The following ZFYVE28 variants were observed in gnomAD, a reference collection of about 807,000 sequenced individuals.
The protein encoded by ZFYVE28 is zinc finger FYVE-type containing 28.
Under a neutral mutation model 82.1 loss-of-function variants are expected in ZFYVE28, and 40 were observed. The ratio of observed to expected loss-of-function variants is 0.49; its 90% CI spans 0.38 to 0.63. The LOEUF (loss-of-function observed/expected upper bound fraction) is 0.63. ZFYVE28 is among the 30% of genes least tolerant of loss of function. The pLI, the probability that ZFYVE28 is intolerant of heterozygous loss-of-function variation, is 0.00. For missense variants in ZFYVE28, 1,321 were observed against 1,242.1 expected (o/e 1.06, Z -0.96); for synonymous variants, 612 against 546.1 (o/e 1.12, Z -1.68).
At chr4:2,349,338 A>G (rs1217742374) in intron 2 of ZFYVE28, among the ~76,000 whole-genome samples, 1 of 125,692 alleles carries the variant, frequency 8.0e-6, no homozygotes, top group African/African-American at 3.1e-5. Flanking sequence ...GGACACAGGA[A>G]GGGGAACATC....
At chr4:2,346,121 G>A (rs1254149048) in intron 2 of ZFYVE28, among the ~76,000 whole-genome samples, 4 of 149,056 alleles carry the variant, frequency 2.7e-5, no homozygotes, top group Non-Finnish European at 5.9e-5. Flanking sequence ...AAGGTCAGGA[G>A]ATCGAGACCA....
intron 8 of ZFYVE28, among the ~76,000 whole-genome samples, chr4:2,284,327 T>C (rs1245375531): frequency 2.0e-5 from 3 of 152,096 alleles, no homozygotes; most frequent in Non-Finnish European, 2.9e-5. Flanking sequence ...CCCCACATGA[T>C]CCTCCAACCT....
chr4:2,279,589 C>T (rs540211215), intron 8 of ZFYVE28, among the ~76,000 whole-genome samples: 2 of 152,070 alleles, frequency 1.3e-5, no homozygotes, highest in South Asian at 4.1e-4. Context: ...ACCATCCTGG[C>T]TAACACGATG....
At chr4:2,361,691 A>G (rs111566285) in intron 1 of ZFYVE28, among the ~76,000 whole-genome samples, 2,247 of 152,248 alleles carry the variant, frequency 0.015, 53 homozygotes, top group African/African-American at 0.051. Flanking sequence ...ACATCGCTGG[A>G]TGCCAAGGCG....
intron 8 of ZFYVE28, among the ~76,000 whole-genome samples, chr4:2,277,155 G>A (rs1197594513): frequency 6.6e-6 from 1 of 152,214 alleles, no homozygotes; most frequent in Non-Finnish European, 1.5e-5. Context: ...GAATTTTGTG[G>A]TATGTATGTT....
chr4:2,290,803 G>T (rs1713532070), intron 8 of ZFYVE28, among the ~76,000 whole-genome samples: 1 of 152,204 alleles, frequency 6.6e-6, no homozygotes, highest in South Asian at 2.1e-4. Context: ...AGCAGTGGTG[G>T]GGAGGGGTGG....
intron 8 of ZFYVE28, among the ~76,000 whole-genome samples, chr4:2,277,108 T>A (rs985526534): frequency 6.6e-6 from 1 of 152,236 alleles, no homozygotes; most frequent in Non-Finnish European, 1.5e-5. Context: ...AGGGGTATTA[T>A]TGCCCAAAAC....
chr4:2,324,949 C>CT (rs5855730), intron 6 of ZFYVE28: 29,430 of 183,778 alleles, frequency 0.16, 2,604 homozygotes, highest in African/African-American at 0.19. Context: ...TCCAAAGACT[C>CT]TATCTTATTT....
chr4:2,346,066 C>T (rs979297265), intron 2 of ZFYVE28, among the ~76,000 whole-genome samples: 15 of 151,516 alleles, frequency 9.9e-5, no homozygotes, highest in African/African-American at 3.4e-4. Flanking sequence ...CGGTGGCTCA[C>T]GCCTGTAATC....
chr4:2,277,198 C>T (rs868066109), intron 8 of ZFYVE28, among the ~76,000 whole-genome samples: 4 of 152,246 alleles, frequency 2.6e-5, no homozygotes, highest in South Asian at 2.1e-4. Context: ...TTAAAGATCA[C>T]GCCGGGCGTG....
intron 1 of ZFYVE28, among the ~76,000 whole-genome samples, chr4:2,387,899 AC>A (rs896781489): frequency 6.6e-6 from 1 of 152,064 alleles, no homozygotes; most frequent in African/African-American, 2.4e-5. Flanking sequence ...GGACAGCAGG[AC>A]CCCTGAGCCT....
chr4:2,297,690 C>T (rs866695288), intron 8 of ZFYVE28, among the ~76,000 whole-genome samples: 5 of 152,180 alleles, frequency 3.3e-5, no homozygotes, highest in African/African-American at 9.6e-5. Context: ...TGGGGTGACA[C>T]GGTGATATAG....
At chr4:2,407,274 G>A (rs967093127) in intron 1 of ZFYVE28, among the ~76,000 whole-genome samples, 2 of 152,012 alleles carry the variant, frequency 1.3e-5, no homozygotes, top group South Asian at 4.1e-4. Context: ...CTCCACGAAC[G>A]ACAGCTTAGC....
chr4:2,279,557 A>G (rs966867290), intron 8 of ZFYVE28, among the ~76,000 whole-genome samples: 3 of 152,172 alleles, frequency 2.0e-5, no homozygotes, highest in South Asian at 2.1e-4. Context: ...AGGTGGGCGG[A>G]TCACGAGGTC....
chr4:2,305,629 C>T, intron 7 of ZFYVE28, 93 bp from the exon 8 acceptor site: 1 of 1,459,902 alleles, frequency 6.8e-7, no homozygotes, highest in Non-Finnish European at 9.3e-7. Flanking sequence ...GAGTCTGCAC[C>T]AGCAGAACAA....
chr4:2,311,290 C>A (rs1168196198), intron 7 of ZFYVE28, among the ~76,000 whole-genome samples: 1 of 152,108 alleles, frequency 6.6e-6, no homozygotes, highest in Non-Finnish European at 1.5e-5. Context: ...CTTTGGGAGG[C>A]CAAGGTGGGC....
intron 1 of ZFYVE28, among the ~76,000 whole-genome samples, chr4:2,402,547 G>A (rs3128773): frequency 0.85 from 129,162 of 152,054 alleles, 55,011 homozygotes; most frequent in Admixed American, 0.9. Context: ...CAGCATCACT[G>A]TTTCATAGTC....
chr4:2,309,253 G>A (rs549994079), intron 7 of ZFYVE28, among the ~76,000 whole-genome samples: 6 of 152,248 alleles, frequency 3.9e-5, no homozygotes, highest in African/African-American at 1.2e-4. Context: ...TCTCTGCCAC[G>A]TTATGACAGA....
chr4:2,308,226 C>T (rs1480251330), intron 7 of ZFYVE28, among the ~76,000 whole-genome samples: 1 of 152,042 alleles, frequency 6.6e-6, no homozygotes, highest in Non-Finnish European at 1.5e-5. Context: ...CTCAAGAGCT[C>T]CTCCCACCTC....
Sources: gnomAD v4.1 joint callset for allele counts (sites outside exome capture counted in the v4.1 genomes callset) on GRCh38, gnomAD v4.1.1 for gene constraint, MANE v1.5 for transcripts, NCBI Gene and HGNC (gene_info 2026-07-23, HGNC 2026-07-21) for gene names.